KCNMB2: variants seen among roughly 807,000 people sequenced by gnomAD.
KCNMB2 encodes the protein potassium calcium-activated channel subfamily M regulatory beta subunit 2, also known as calcium-activated potassium channel subunit beta-2.
In KCNMB2, 9 loss-of-function variants were observed where a neutral mutation model predicts 24.5. The observed-to-expected ratio is 0.37, with a 90% CI of 0.22 to 0.64. KCNMB2 has a LOEUF of 0.64. Ranked by LOEUF, KCNMB2 falls within the 30% of genes least tolerant of loss-of-function variation. The pLI, the probability that KCNMB2 is intolerant of heterozygous loss-of-function variation, is 0.63. For missense variants in KCNMB2, 226 were observed against 284.3 expected, an observed-to-expected ratio of 0.79 and a Z score of 1.47; for synonymous variants, 109 against 104.4, an observed-to-expected ratio of 1.04 and a Z score of -0.27.
intron 1 of KCNMB2, among the ~76,000 whole-genome samples, chr3:178,568,765 T>G (rs1369510592): frequency 7.2e-6 from 1 of 139,276 alleles, no homozygotes; most frequent in Non-Finnish European, 1.5e-5. Context: ...AGATGATAGA[T>G]AGATAGATGA....
At chr3:178,688,921 C>T (rs920788047) in intron 1 of KCNMB2, among the ~76,000 whole-genome samples, 2 of 151,970 alleles carry the variant, frequency 1.3e-5, no homozygotes, top group Admixed American at 6.5e-5. Context: ...TTTATTTGAA[C>T]AGCAAGTGTT....
Position 178,556,455 on chromosome 3 carries a change from A to G in KCNMB2, c.-68+19744A>G, listed in dbSNP as rs1288409391. ...GTTTTGCTCTTATTGACCAGGCTAG[A>G]GTGCAATGGCACAATCTTGGCTTGC... On this transcript the variant is annotated intron_variant, in intron 1 of 4. Transcript: ENST00000452583. Among the ~76,000 whole-genome samples, 7 of 152,168 alleles carry G rather than the reference A, an allele frequency of 4.6e-5. No individual in the cohort carries two copies. The East Asian group carries it at 1.3e-3, about 29-fold the overall frequency.
chr3:178,676,137 A>G (rs1721062913), intron 1 of KCNMB2, among the ~76,000 whole-genome samples: 1 of 152,140 alleles, frequency 6.6e-6, no homozygotes, highest in Non-Finnish European at 1.5e-5. Flanking sequence ...GGTTTAGAGA[A>G]AGCACCCAGG....
At chr3:178,628,056 T>C (rs1459263966) in intron 1 of KCNMB2, among the ~76,000 whole-genome samples, 1 of 152,212 alleles carries the variant, frequency 6.6e-6, no homozygotes, top group Non-Finnish European at 1.5e-5. Context: ...AAATTAATTG[T>C]ATAAGATTTT....
At chr3:178,676,084 A>T (rs1721060965) in intron 1 of KCNMB2, among the ~76,000 whole-genome samples, 1 of 152,186 alleles carries the variant, frequency 6.6e-6, no homozygotes, top group South Asian at 2.1e-4. Context: ...TATGACCCCA[A>T]GCCCATGTTA....
intron 1 of KCNMB2, among the ~76,000 whole-genome samples, chr3:178,695,593 G>C (rs1001610583): frequency 6.6e-6 from 1 of 151,926 alleles, no homozygotes; most frequent in Non-Finnish European, 1.5e-5. Context: ...CTAGGTCAGG[G>C]GTAAAAAATC....
At chr3:178,695,018 AG>A (rs1408586933) in intron 1 of KCNMB2, among the ~76,000 whole-genome samples, 1 of 152,134 alleles carries the variant, frequency 6.6e-6, no homozygotes, top group Non-Finnish European at 1.5e-5. Flanking sequence ...CCCCTGCAGC[AG>A]GTTTCTGCCT....
chr3:178,807,336 C>A lies in KCNMB2; in HGVS notation c.-67-7C>A. 8.1e-7 allele frequency: 1 copy of A among 1,236,598 alleles called. No homozygotes were observed. Among genetic ancestry groups the A allele is most frequent in the Non-Finnish European group, 1.2e-6 (1 of 842,942 alleles). The allele number at this position is 1,236,598 out of a possible 1,614,324, so 76.6% of individuals were successfully genotyped here. A position where few individuals can be genotyped will look rare whatever the true frequency, so the allele number is the denominator to read the frequency against. On this transcript the variant is annotated splice_region_variant and splice_polypyrimidine_tract_variant and intron_variant, in intron 1 of 4. Transcript: ENST00000452583. The stretch of plus-strand genomic sequence containing the variant: ...TTGCTGTTAACTTCATTGTGTACCT[C>A]TTCTAGGTCTTTTTGCCATTCCTCC...
intron 1 of KCNMB2, among the ~76,000 whole-genome samples, chr3:178,657,799 A>G (rs1401911215): frequency 6.6e-6 from 1 of 152,228 alleles, no homozygotes; most frequent in African/African-American, 2.4e-5. Flanking sequence ...ATGGCATCAC[A>G]TGGAAGGAGC....
At chr3:178,657,378 C>A (rs1720382825) in intron 1 of KCNMB2, among the ~76,000 whole-genome samples, 2 of 152,222 alleles carry the variant, frequency 1.3e-5, no homozygotes, top group South Asian at 4.1e-4. Context: ...TAAGGCTCAG[C>A]CTTTGAAGCT....
intron 1 of KCNMB2, among the ~76,000 whole-genome samples, chr3:178,781,478 G>T (rs1415346330): frequency 2.0e-5 from 3 of 152,136 alleles, no homozygotes; most frequent in Non-Finnish European, 4.4e-5. Flanking sequence ...TGTAATCCCA[G>T]CTACTCGGGA....
At chr3:178,743,089 A>ATCT (rs1226461799) in intron 1 of KCNMB2, among the ~76,000 whole-genome samples, 2 of 152,168 alleles carry the variant, frequency 1.3e-5, no homozygotes, top group African/African-American at 2.4e-5. Context: ...AAGTCTTAAG[A>ATCT]TAAGACAGTG....
chr3:178,584,806 C>T (rs1028948990), intron 1 of KCNMB2, among the ~76,000 whole-genome samples: 2 of 151,986 alleles, frequency 1.3e-5, no homozygotes, highest in African/African-American at 4.8e-5. Context: ...GTAAGCGACA[C>T]CCATTTAAAT....
chr3:178,612,818 T>G (rs529127916), intron 1 of KCNMB2, among the ~76,000 whole-genome samples: 5 of 152,286 alleles, frequency 3.3e-5, no homozygotes, highest in African/African-American at 1.2e-4. Context: ...CTTTTCCTTC[T>G]TTCTTTTCTT....
intron 1 of KCNMB2, among the ~76,000 whole-genome samples, chr3:178,545,712 C>T (rs1383834782): frequency 6.6e-6 from 1 of 152,192 alleles, no homozygotes; most frequent in Non-Finnish European, 1.5e-5. Flanking sequence ...ACTAAAACTC[C>T]TACAGAGGGA....
chr3:178,803,748 A>G (rs1235653566), intron 1 of KCNMB2, among the ~76,000 whole-genome samples: 1 of 152,164 alleles, frequency 6.6e-6, no homozygotes, highest in Non-Finnish European at 1.5e-5. Flanking sequence ...AAGACCTCAC[A>G]GAAGAGGGTC....
chr3:178,735,245 C>T (rs1242622923), intron 1 of KCNMB2, among the ~76,000 whole-genome samples: 4 of 152,240 alleles, frequency 2.6e-5, no homozygotes, highest in Non-Finnish European at 5.9e-5. Flanking sequence ...CTGCCACCCA[C>T]CAGCTGGTCA....
chr3:178,547,754 T>G (rs1442934287), intron 1 of KCNMB2, among the ~76,000 whole-genome samples: 2 of 152,200 alleles, frequency 1.3e-5, no homozygotes, highest in African/African-American at 2.4e-5. Context: ...CTATCCACAC[T>G]TAAAACCGAA....
At chr3:178,657,545 T>C (rs1720388495) in intron 1 of KCNMB2, among the ~76,000 whole-genome samples, 1 of 152,258 alleles carries the variant, frequency 6.6e-6, no homozygotes, top group Admixed American at 6.5e-5. Flanking sequence ...CATAGCAAGC[T>C]TACCATCAAT....
Sources: gnomAD v4.1 joint callset for allele counts (sites outside exome capture counted in the v4.1 genomes callset) on GRCh38, gnomAD v4.1.1 for gene constraint, MANE v1.5 for transcripts, NCBI Gene and HGNC (gene_info 2026-07-23, HGNC 2026-07-21) for gene names.